ATP8A1: variants seen among roughly 807,000 people sequenced by gnomAD.
ATP8A1 encodes the protein phospholipid-transporting ATPase IA.
A neutral mutation model predicts 177.7 loss-of-function variants in ATP8A1; 90 were observed. That is an observed-to-expected ratio of 0.51 (90% CI 0.43 to 0.60). The LOEUF (loss-of-function observed/expected upper bound fraction) is 0.60. ATP8A1 is among the 20% of genes least tolerant of loss of function. ATP8A1 has a pLI of 0.00. For missense variants in ATP8A1, 1,072 were observed against 1,392.8 expected, an observed-to-expected ratio of 0.77 and a Z score of 3.67; for synonymous variants, 493 against 485.9, an observed-to-expected ratio of 1.01 and a Z score of -0.19.
intron 31 of ATP8A1, 78 bp from the exon 32 acceptor site, chr4:42,444,712 C>G (rs2153174979): frequency 7.2e-7 from 1 of 1,392,798 alleles, no homozygotes; most frequent in East Asian, 2.3e-5. Context: ...TTATAAAGAA[C>G]AGAGATCTCT....
chr4:42,583,974 G>C (rs10023014), intron 9 of ATP8A1, among the ~76,000 whole-genome samples: 1 of 152,184 alleles, frequency 6.6e-6, no homozygotes, highest in Non-Finnish European at 1.5e-5. Flanking sequence ...TCTTTAACCA[G>C]ATGTTCATGG....
chr4:42,648,688 C>T (rs1484425849), intron 1 of ATP8A1, among the ~76,000 whole-genome samples: 1 of 151,780 alleles, frequency 6.6e-6, no homozygotes, highest in Non-Finnish European at 1.5e-5. Flanking sequence ...AATTAATTTA[C>T]ATACATGTTA....
intron 25 of ATP8A1, among the ~76,000 whole-genome samples, chr4:42,480,122 CATTTAG>C (rs1427203376): frequency 2.6e-5 from 4 of 151,470 alleles, no homozygotes; most frequent in Non-Finnish European, 4.4e-5. Flanking sequence ...GCTTCTGTAG[CATTTAG>C]ATTTCTTATA....
intron 6 of ATP8A1, among the ~76,000 whole-genome samples, chr4:42,596,666 C>CAAAAAAA (rs71648737): frequency 2.4e-4 from 18 of 73,698 alleles, no homozygotes; most frequent in East Asian, 3.4e-4. Context: ...GACTCCATCT[C>CAAAAAAA]AAAAAAAAAA....
chr4:42,457,395 C>G (rs1049961213), intron 27 of ATP8A1, among the ~76,000 whole-genome samples: 9 of 152,128 alleles, frequency 5.9e-5, no homozygotes, highest in African/African-American at 1.7e-4. Flanking sequence ...CAACTGTGAT[C>G]TATTGTAGTA....
rs566734535 is a variant in ATP8A1 at position 42,657,062 on chromosome 4, G to T, written c.-189C>A. 146 of 501,130 alleles carry T rather than the reference G, an allele frequency of 2.9e-4. No individual in the cohort carries two copies. The highest frequency in any genetic ancestry group is 2.6e-3 in the African/African-American group (129 of 50,300). 31.0% of individuals were successfully genotyped at this position (501,130 alleles called of 1,614,324 possible). A position where few individuals can be genotyped will look rare whatever the true frequency, so the allele number is the denominator to read the frequency against. On this transcript the variant is annotated 5_prime_UTR_variant, in exon 1 of 37. Transcript: ENST00000381668. ...CGACAGGAGGAGGAGAAAGGCAGCG[G>T]TGGCGGCGAAGGTGGCGGCGCCCGC...
intron 22 of ATP8A1, among the ~76,000 whole-genome samples, chr4:42,508,032 T>A (rs1724630505): frequency 6.6e-6 from 1 of 152,336 alleles, no homozygotes; most frequent in Admixed American, 6.5e-5. Context: ...CACATTTGTG[T>A]AGGGGAAGAT....
chr4:42,544,663 C>A (rs912289493), intron 19 of ATP8A1, among the ~76,000 whole-genome samples: 2 of 152,160 alleles, frequency 1.3e-5, no homozygotes, highest in East Asian at 3.8e-4. Context: ...GAAGAAACTG[C>A]GACAGCATTA....
At chr4:42,647,515 G>A (rs1303014938) in intron 1 of ATP8A1, among the ~76,000 whole-genome samples, 1 of 150,678 alleles carries the variant, frequency 6.6e-6, no homozygotes, top group Non-Finnish European at 1.5e-5. Context: ...GGATATATTG[G>A]GCCAAAGACA....
rs1452480393 is a variant in ATP8A1, at chr4:42,411,256, C to A, written c.*1660G>T. 6.6e-6 allele frequency: 1 copy of A among 152,046 alleles called. No individual in the cohort carries two copies. Among genetic ancestry groups the A allele is most frequent in the Non-Finnish European group, 1.5e-5 (1 of 68,012 alleles). 9.4% of individuals were successfully genotyped at this position (152,046 alleles called of 1,614,324 possible). On this transcript the variant is annotated 3_prime_UTR_variant, in exon 37 of 37. Coordinates refer to ENST00000381668, the MANE Select transcript of ATP8A1 (RefSeq NM_006095.2). ...ACTGGTAACTAAGGAGCTACAAATA[C>A]AGACAAGGAAATGACATATATCCTA... is the stretch of plus-strand genomic sequence containing the variant.
At chr4:42,524,128 C>T (rs1170992070) in intron 21 of ATP8A1, among the ~76,000 whole-genome samples, 1 of 152,144 alleles carries the variant, frequency 6.6e-6, no homozygotes, top group Non-Finnish European at 1.5e-5. Flanking sequence ...TGCCTTTCAT[C>T]TAACCTAGAT....
intron 33 of ATP8A1, among the ~76,000 whole-genome samples, chr4:42,425,230 G>C (rs937197066): frequency 1.3e-5 from 2 of 151,918 alleles, no homozygotes; most frequent in Admixed American, 6.6e-5. Flanking sequence ...GGTTGGGGGG[G>C]GGCAAGAGAA....
intron 24 of ATP8A1, 42 bp downstream of exon 24, chr4:42,503,408 T>C: frequency 8.7e-7 from 1 of 1,146,230 alleles, no homozygotes; most frequent in Middle Eastern, 2.6e-4. Flanking sequence ...ATAGCATGAA[T>C]ATATTATTAA....
intron 25 of ATP8A1, among the ~76,000 whole-genome samples, chr4:42,474,729 T>G (rs1325989570): frequency 2.6e-5 from 4 of 152,062 alleles, no homozygotes; most frequent in African/African-American, 4.8e-5. Flanking sequence ...TTTAATGAAC[T>G]GAGATTGGGC....
intron 25 of ATP8A1, among the ~76,000 whole-genome samples, chr4:42,471,656 A>G (rs1283642693): frequency 6.6e-6 from 1 of 152,262 alleles, no homozygotes; most frequent in African/African-American, 2.4e-5. Flanking sequence ...TGGTGTTCAC[A>G]CAAGAAAGCT....
intron 35 of ATP8A1, among the ~76,000 whole-genome samples, chr4:42,418,109 GAAC>G (rs1374865097): frequency 6.6e-6 from 1 of 152,126 alleles, no homozygotes; most frequent in Non-Finnish European, 1.5e-5. Context: ...TCATTAAGAT[GAAC>G]AATACATCAG....
chr4:42,489,441 A>G (rs1262532170), intron 24 of ATP8A1, among the ~76,000 whole-genome samples: 1 of 152,194 alleles, frequency 6.6e-6, no homozygotes, highest in East Asian at 1.9e-4. Flanking sequence ...GGTGACTATC[A>G]CAGATCTCTG....
intron 24 of ATP8A1, among the ~76,000 whole-genome samples, chr4:42,497,933 T>A (rs79437666): frequency 7.8e-5 from 9 of 115,078 alleles, no homozygotes; most frequent in Non-Finnish European, 1.1e-4. Context: ...TATAAAAAAA[T>A]ATCTTTGCTT....
At chr4:42,609,202 G>A (rs1446226360) in intron 5 of ATP8A1, among the ~76,000 whole-genome samples, 1 of 152,108 alleles carries the variant, frequency 6.6e-6, no homozygotes, top group Non-Finnish European at 1.5e-5. Context: ...CACCAGCAGT[G>A]TCACTGAGAG....
Sources: gnomAD v4.1 joint callset for allele counts (sites outside exome capture counted in the v4.1 genomes callset) on GRCh38, gnomAD v4.1.1 for gene constraint, MANE v1.5 for transcripts, NCBI Gene and HGNC (gene_info 2026-07-23, HGNC 2026-07-21) for gene names.